RGS7: variants seen among roughly 807,000 people sequenced by gnomAD.
RGS7 encodes the protein regulator of G protein signaling 7.
Under a neutral mutation model 81.1 loss-of-function variants are expected in RGS7, and 27 were observed. The ratio of observed to expected loss-of-function variants is 0.33; its 90% CI spans 0.25 to 0.46. The LOEUF is 0.46. Among genes scored for constraint, RGS7 ranks in the 20% least tolerant of loss-of-function variants. The pLI is 1.00. For missense variants in RGS7, 396 were observed against 607.4 expected, an observed-to-expected ratio of 0.65 and a Z score of 3.66; for synonymous variants, 208 against 207.7, an observed-to-expected ratio of 1.00 and a Z score of -0.01.
intron 6 of RGS7, among the ~76,000 whole-genome samples, chr1:240,893,614 C>A (rs1294540507): frequency 6.7e-6 from 1 of 150,178 alleles, no homozygotes; most frequent in South Asian, 2.1e-4. Context: ...TAAAAAAAAA[C>A]AAAACTCCAA....
chr1:241,172,409 G>A (rs1379676873), intron 2 of RGS7, among the ~76,000 whole-genome samples: 2 of 152,086 alleles, frequency 1.3e-5, no homozygotes, highest in African/African-American at 2.4e-5. Context: ...AGTCACTCAG[G>A]AAAAAAATAA....
intron 4 of RGS7, among the ~76,000 whole-genome samples, chr1:240,949,811 G>T (rs1420883064): frequency 8.1e-6 from 1 of 123,928 alleles, no homozygotes; most frequent in African/African-American, 3.1e-5. Flanking sequence ...TAGGGCCACT[G>T]CACTCCAGAC....
At chr1:241,051,121 G>A (rs1472390381) in intron 3 of RGS7, among the ~76,000 whole-genome samples, 1 of 152,100 alleles carries the variant, frequency 6.6e-6, no homozygotes. Flanking sequence ...TATTTCCAGA[G>A]GCCAGGTGGG....
intron 2 of RGS7, among the ~76,000 whole-genome samples, chr1:241,326,268 T>A (rs2341692): frequency 0.21 from 32,183 of 152,104 alleles, 3,594 homozygotes; most frequent in East Asian, 0.27. Context: ...CTTAGTGAGA[T>A]GCAAAGGATG....
chr1:241,268,111 G>T (rs895356613), intron 2 of RGS7, among the ~76,000 whole-genome samples: 1 of 152,156 alleles, frequency 6.6e-6, no homozygotes, highest in African/African-American at 2.4e-5. Context: ...GGCAGTGAGA[G>T]CTTTTTTATT....
chr1:240,832,162 CA>C (rs1693965935), intron 9 of RGS7, among the ~76,000 whole-genome samples: 1 of 152,138 alleles, frequency 6.6e-6, no homozygotes, highest in Non-Finnish European at 1.5e-5. Flanking sequence ...CAGAGCTAAA[CA>C]AATCTATCTT....
At chr1:241,303,964 G>A (rs2079929498) in intron 2 of RGS7, among the ~76,000 whole-genome samples, 1 of 152,138 alleles carries the variant, frequency 6.6e-6, no homozygotes, top group Admixed American at 6.5e-5. Flanking sequence ...CATTTTTGTA[G>A]TAATAATAGC....
intron 18 of RGS7, among the ~76,000 whole-genome samples, chr1:240,795,218 CCAA>C (rs1404892276): frequency 1.3e-5 from 2 of 152,018 alleles, no homozygotes; most frequent in Non-Finnish European, 2.9e-5. Context: ...CCCACCACCA[CCAA>C]CAAAAATCAA....
intron 2 of RGS7, among the ~76,000 whole-genome samples, chr1:241,246,483 G>T (rs1879743): frequency 0.13 from 19,617 of 152,046 alleles, 1,425 homozygotes; most frequent in East Asian, 0.21. Flanking sequence ...TTCCAATGGA[G>T]AGATCCATTC....
At chr1:241,318,453 C>G (rs887232354) in intron 2 of RGS7, among the ~76,000 whole-genome samples, 6 of 151,200 alleles carry the variant, frequency 4.0e-5, no homozygotes, top group African/African-American at 1.2e-4. Flanking sequence ...AAATTTCTTT[C>G]TTTTTTCTTT....
intron 2 of RGS7, among the ~76,000 whole-genome samples, chr1:241,135,022 C>G (rs778320898): frequency 6.6e-6 from 1 of 152,100 alleles, no homozygotes; most frequent in Non-Finnish European, 1.5e-5. Flanking sequence ...GCAGTCAGGT[C>G]AGTCTGGGAC....
chr1:241,221,110 A>G (rs1472779797), intron 2 of RGS7, among the ~76,000 whole-genome samples: 1 of 150,226 alleles, frequency 6.7e-6, no homozygotes. Context: ...GAAGGAAGGA[A>G]GGAAGGGAGG....
chr1:241,018,519 A>T (rs2059382168), intron 3 of RGS7, among the ~76,000 whole-genome samples: 1 of 151,112 alleles, frequency 6.6e-6, no homozygotes, highest in Admixed American at 6.6e-5. Flanking sequence ...TTTTGTTTCT[A>T]TTTTTTTGTC....
rs1016811508 is a variant in RGS7 at position 241,002,408 on chromosome 1, G to A, written c.176-19279C>T. ...GCGTAGGTTGCACTGAGCCAAGATC[G>A]AGCCTTTGCACTCCAGCCTGGGCAG... On this transcript the variant is annotated intron_variant, in intron 3 of 18. Transcript: ENST00000440928. Among the ~76,000 whole-genome samples, 4 of 150,780 alleles carry A rather than the reference G, an allele frequency of 2.7e-5. No homozygotes were observed. In the South Asian group the frequency reaches 6.3e-4, roughly 24 times the overall value.
intron 17 of RGS7, 52 bp downstream of exon 17, chr1:240,801,403 A>G: frequency 7.9e-7 from 1 of 1,271,568 alleles, no homozygotes; most frequent in South Asian, 1.2e-5. Context: ...GGGAAATTGG[A>G]AAAATTTCAT....
chr1:241,041,698 A>G lies in RGS7; in HGVS notation c.175+56968T>C, dbSNP rs61832515. ...CCCAAAGCAGACTTAGGTCGCATTTACACATTTTCTATCACAAGCAGGATA... is the reference window on the plus strand; with the variant it reads ...CCCAAAGCAGACTTAGGTCGCATTTGCACATTTTCTATCACAAGCAGGATA... On this transcript the variant is annotated intron_variant, in intron 3 of 18. Coordinates refer to ENST00000440928, the MANE Select transcript of RGS7 (RefSeq NM_001364886.1). Among the ~76,000 whole-genome samples, 1,519 of 152,278 alleles carry G rather than the reference A, an allele frequency of 1.0e-2. 12 individuals carry two copies. The highest frequency in any genetic ancestry group is 0.017 in the Non-Finnish European group (1,167 of 68,030).
At chr1:241,216,346 T>C (rs2074558524) in intron 2 of RGS7, among the ~76,000 whole-genome samples, 1 of 151,776 alleles carries the variant, frequency 6.6e-6, no homozygotes, top group South Asian at 2.1e-4. Flanking sequence ...AAACATGGCG[T>C]TTCATCTTAT....
intron 4 of RGS7, among the ~76,000 whole-genome samples, chr1:240,960,125 G>A (rs1185585940): frequency 6.6e-6 from 1 of 151,252 alleles, no homozygotes; most frequent in Non-Finnish European, 1.5e-5. Flanking sequence ...CTCCTGCCTG[G>A]GTGAAAGAGT....
chr1:241,058,881 G>C (rs1572488069), intron 3 of RGS7, among the ~76,000 whole-genome samples: 1 of 152,124 alleles, frequency 6.6e-6, no homozygotes, highest in African/African-American at 2.4e-5. Context: ...CTTCTTGAAG[G>C]AGTTGGCTGT....
Sources: gnomAD v4.1 joint callset for allele counts (sites outside exome capture counted in the v4.1 genomes callset) on GRCh38, gnomAD v4.1.1 for gene constraint, MANE v1.5 for transcripts, NCBI Gene and HGNC (gene_info 2026-07-23, HGNC 2026-07-21) for gene names.